MOB3B: variants seen among roughly 807,000 people sequenced by gnomAD.
MOB3B encodes MOB kinase activator-like 2B.
In MOB3B, 7 loss-of-function variants were observed where a neutral mutation model predicts 18.7. The observed-to-expected ratio is 0.37, with a 90% CI of 0.21 to 0.70. MOB3B has a LOEUF of 0.70. MOB3B is among the 30% of genes least tolerant of loss of function. The pLI, the probability that MOB3B is intolerant of heterozygous loss-of-function variation, is 0.52. For missense variants in MOB3B, 253 were observed against 281.3 expected, an observed-to-expected ratio of 0.90 and a Z score of 0.72; for synonymous variants, 111 against 99.9, an observed-to-expected ratio of 1.11 and a Z score of -0.66.
At chr9:27,371,523 G>T (rs1821414507) in intron 2 of MOB3B, among the ~76,000 whole-genome samples, 3 of 152,216 alleles carry the variant, frequency 2.0e-5, no homozygotes, top group Non-Finnish European at 4.4e-5. Context: ...GAAGAAACCA[G>T]AAATGTGGCT....
At chr9:27,339,092 C>T (rs935531674) in intron 3 of MOB3B, among the ~76,000 whole-genome samples, 1 of 152,168 alleles carries the variant, frequency 6.6e-6, no homozygotes, top group Non-Finnish European at 1.5e-5. Context: ...CCCTGCCATG[C>T]ACTCCCCCTA....
At chr9:27,372,235 G>C (rs533003584) in intron 2 of MOB3B, among the ~76,000 whole-genome samples, 2 of 152,284 alleles carry the variant, frequency 1.3e-5, no homozygotes, top group East Asian at 3.9e-4. Flanking sequence ...GAGCCAACCT[G>C]AAAGAGCTCC....
chr9:27,401,406 G>A (rs10114917), intron 2 of MOB3B, among the ~76,000 whole-genome samples: 52,697 of 152,072 alleles, frequency 0.35, 10,086 homozygotes, highest in East Asian at 0.78. Flanking sequence ...TACAAGTCAC[G>A]TGACTGTCTC....
In MOB3B at chr9:27,473,651, T is replaced by C. The variant is rs533126823; in HGVS notation, c.-198-17903A>G. 2.0e-4 allele frequency among the ~76,000 whole-genome samples: 30 copies of C among 152,200 alleles called. No individual in the cohort carries two copies. In the South Asian group the frequency reaches 5.8e-3, roughly 30 times the overall value. ...GAGGTCAGCCCCAAACAGGGGATGT[T>C]GGTGATGGACCCCATCAAGACATTC... On this transcript the variant is annotated intron_variant, in intron 1 of 3. Transcript: ENST00000262244.
chr9:27,345,295 C>A (rs1210109735), intron 3 of MOB3B, among the ~76,000 whole-genome samples: 2 of 152,060 alleles, frequency 1.3e-5, no homozygotes, highest in Non-Finnish European at 1.5e-5. Context: ...ACTGCTCCTG[C>A]CCACCATAGG....
At chr9:27,408,823 C>T (rs1407171169) in intron 2 of MOB3B, among the ~76,000 whole-genome samples, 1 of 152,188 alleles carries the variant, frequency 6.6e-6, no homozygotes, top group Non-Finnish European at 1.5e-5. Flanking sequence ...CTTCCTGCTA[C>T]AAAGCTCTGG....
intron 3 of MOB3B, among the ~76,000 whole-genome samples, chr9:27,337,755 G>A (rs761228185): frequency 1.1e-4 from 17 of 152,166 alleles, no homozygotes; most frequent in Non-Finnish European, 2.1e-4. Flanking sequence ...TTCTAGTGTC[G>A]TGGCGCTATG....
intron 2 of MOB3B, chr9:27,378,391 G>A: frequency 2.1e-6 from 1 of 471,686 alleles, no homozygotes; most frequent in African/African-American, 2.0e-5. Context: ...TGTCAGCTCT[G>A]GACAAAGTGA....
intron 2 of MOB3B, among the ~76,000 whole-genome samples, chr9:27,369,152 G>A (rs1275656425): frequency 1.3e-5 from 2 of 152,158 alleles, no homozygotes; most frequent in African/African-American, 4.8e-5. Flanking sequence ...TCAGGCTGAG[G>A]TACCAGGAGT....
chr9:27,326,485 G>A lies in MOB3B; in HGVS notation c.*4102C>T. ...ACTCAAAAAGAATACTTCAGCTCGA[G>A]TTGAATGGAATTCAAGATGTTGTGG... is the stretch of plus-strand genomic sequence containing the variant. On this transcript the variant is annotated 3_prime_UTR_variant, in exon 4 of 4. Transcript: ENST00000262244. The A allele has an allele frequency of 2.5e-6, 1 of 398,606 alleles. No individual in the cohort carries two copies. The highest frequency in any genetic ancestry group is 4.4e-6 in the Non-Finnish European group (1 of 226,054). The allele number at this position is 398,606 out of a possible 1,614,324, so 24.7% of individuals were successfully genotyped here. A position where few individuals can be genotyped will look rare whatever the true frequency, so the allele number is the denominator to read the frequency against.
chr9:27,370,691 G>A (rs1196955190), intron 2 of MOB3B, among the ~76,000 whole-genome samples: 1 of 152,156 alleles, frequency 6.6e-6, no homozygotes, highest in Non-Finnish European at 1.5e-5. Context: ...ATAAACATTT[G>A]TTGTTTATAA....
chr9:27,518,873 T>A (rs55763706), intron 1 of MOB3B, among the ~76,000 whole-genome samples: 8,692 of 152,246 alleles, frequency 0.057, 412 homozygotes, highest in African/African-American at 0.13. Flanking sequence ...TTGATTAAAC[T>A]AACATTTACT....
At position 27,480,302 on chromosome 9, in the gene MOB3B, A is replaced by ATTT. The variant is rs371803996; in HGVS notation, c.-198-24557_-198-24555dup. On this transcript the variant is annotated intron_variant, in intron 1 of 3. Transcript: ENST00000262244. ...CAGGCACATGCCACCATGCCCAGCT[A>ATTT]TTTTTTTTTTTTTTTGAGACGGAGT... 1.3e-3 allele frequency among the ~76,000 whole-genome samples: 180 copies of ATTT among 141,010 alleles called. 1 individual carries two copies. The highest frequency in any genetic ancestry group is 3.7e-3 in the Middle Eastern group (1 of 268). 92.5% of individuals were successfully genotyped at this position (141,010 alleles called of 152,430 possible).
At chr9:27,360,232 G>C (rs1252819544) in intron 2 of MOB3B, among the ~76,000 whole-genome samples, 6 of 152,148 alleles carry the variant, frequency 3.9e-5, no homozygotes, top group Non-Finnish European at 8.8e-5. Context: ...GGCCAGATGC[G>C]GTGGCTCACA....
Position 27,425,385 on chromosome 9 carries a change from A to AAAAC in MOB3B, c.418+29747_418+29748insGTTT, listed in dbSNP as rs1554648747. ...AGCAAAACTGTCTCAAAAAAAAAAA[A>AAAAC]AAAACAAAACAACAACAACAAAAAA... On this transcript the variant is annotated intron_variant, in intron 2 of 3. Transcript: ENST00000262244. Among the ~76,000 whole-genome samples the AAAAC allele has an allele frequency of 5.3e-3, 773 of 145,136 alleles. 7 individuals carry two copies. The highest frequency in any genetic ancestry group is 0.021 in the Middle Eastern group (6 of 284).
rs544694865 is a variant in MOB3B, at chr9:27,327,813, G to T, written c.*2774C>A. 6.6e-6 allele frequency: 1 copy of T among 152,200 alleles called. No individual in the cohort carries two copies. Among genetic ancestry groups the T allele is most frequent in the African/African-American group, 2.4e-5 (1 of 41,524 alleles). 9.4% of individuals were successfully genotyped at this position (152,200 alleles called of 1,614,324 possible). A position where few individuals can be genotyped will look rare whatever the true frequency, so the allele number is the denominator to read the frequency against. Reference sequence around the variant, plus strand: ...TCAGTTTCATGGGCGTGAAAATATTGCAGATTTATAGGACAATGCTCTTAT... The same window carrying T: ...TCAGTTTCATGGGCGTGAAAATATTTCAGATTTATAGGACAATGCTCTTAT... On this transcript the variant is annotated 3_prime_UTR_variant, in exon 4 of 4. Transcript: ENST00000262244.
chr9:27,385,668 C>T (rs190533110), intron 2 of MOB3B, among the ~76,000 whole-genome samples: 47 of 152,328 alleles, frequency 3.1e-4, no homozygotes, highest in Admixed American at 1.0e-3. Flanking sequence ...GGTCCAGGAA[C>T]GGGACTCTTA....
intron 3 of MOB3B, among the ~76,000 whole-genome samples, chr9:27,352,505 A>T (rs1821120207): frequency 6.6e-6 from 1 of 152,226 alleles, no homozygotes; most frequent in Non-Finnish European, 1.5e-5. Flanking sequence ...CGTCATGCAC[A>T]TGGTAAGAAT....
chr9:27,384,175 A>G (rs979065347), intron 2 of MOB3B, among the ~76,000 whole-genome samples: 2 of 152,102 alleles, frequency 1.3e-5, no homozygotes, highest in Non-Finnish European at 2.9e-5. Flanking sequence ...CCCACTTTCC[A>G]GGGAAGCTCA....
Sources: gnomAD v4.1 joint callset for allele counts (sites outside exome capture counted in the v4.1 genomes callset) on GRCh38, gnomAD v4.1.1 for gene constraint, MANE v1.5 for transcripts, NCBI Gene and HGNC (gene_info 2026-07-23, HGNC 2026-07-21) for gene names.